PTPRR: variants seen among roughly 807,000 people sequenced by gnomAD.
PTPRR encodes receptor-type tyrosine-protein phosphatase R.
PTPRR carries 38 observed loss-of-function variants against 77.2 expected under a neutral mutation model. That is an observed-to-expected ratio of 0.49 (90% CI 0.38 to 0.65). PTPRR has a LOEUF of 0.65. PTPRR is among the 30% of genes least tolerant of loss of function. The pLI, the probability that PTPRR is intolerant of heterozygous loss-of-function variation, is 0.00. For missense variants in PTPRR, 744 were observed against 799.2 expected (o/e 0.93, Z 0.83); for synonymous variants, 299 against 283.1 (o/e 1.06, Z -0.57).
intron 2 of PTPRR, among the ~76,000 whole-genome samples, chr12:70,855,295 C>T (rs1592794878): frequency 6.6e-6 from 1 of 152,226 alleles, no homozygotes; most frequent in South Asian, 2.1e-4. Flanking sequence ...GACATAAACC[C>T]AAAAGGAATA....
chr12:70,880,487 C>T (rs1893130337), intron 2 of PTPRR, among the ~76,000 whole-genome samples: 1 of 152,032 alleles, frequency 6.6e-6, no homozygotes, highest in African/African-American at 2.4e-5. Context: ...CTATTTTCTC[C>T]CTGCCACATG....
chr12:70,784,635 G>T (rs1032989413), intron 2 of PTPRR, among the ~76,000 whole-genome samples: 1 of 152,206 alleles, frequency 6.6e-6, no homozygotes, highest in African/African-American at 2.4e-5. Flanking sequence ...CCAGATGGCC[G>T]CCGCTGCCAT....
intron 2 of PTPRR, among the ~76,000 whole-genome samples, chr12:70,851,117 T>G (rs1000688866): frequency 5.3e-5 from 8 of 152,214 alleles, no homozygotes; most frequent in Non-Finnish European, 1.2e-4. Flanking sequence ...ATACTTATTT[T>G]TTAAAAAAGA....
intron 2 of PTPRR, among the ~76,000 whole-genome samples, chr12:70,883,591 G>C (rs190868106): frequency 6.6e-6 from 1 of 152,124 alleles, no homozygotes; most frequent in East Asian, 1.9e-4. Context: ...TGTGTGCCAA[G>C]GACTATACTA....
chr12:70,688,741 T>C (rs1887957746), intron 8 of PTPRR, among the ~76,000 whole-genome samples: 1 of 152,212 alleles, frequency 6.6e-6, no homozygotes, highest in Non-Finnish European at 1.5e-5. Flanking sequence ...TGCACTCCTA[T>C]GTTCTTGCAG....
At chr12:70,825,699 C>T (rs986255279) in intron 2 of PTPRR, among the ~76,000 whole-genome samples, 1 of 152,182 alleles carries the variant, frequency 6.6e-6, no homozygotes, top group African/African-American at 2.4e-5. Flanking sequence ...CACGGTGCTC[C>T]CTTGTGGGCT....
intron 2 of PTPRR, among the ~76,000 whole-genome samples, chr12:70,818,906 C>T (rs1212890026): frequency 1.3e-5 from 2 of 152,068 alleles, no homozygotes; most frequent in African/African-American, 4.8e-5. Flanking sequence ...AAGTGAACAG[C>T]CTTATCCAAA....
At chr12:70,858,468 A>G (rs1206356730) in intron 2 of PTPRR, among the ~76,000 whole-genome samples, 1 of 152,026 alleles carries the variant, frequency 6.6e-6, no homozygotes, top group Non-Finnish European at 1.5e-5. Context: ...TAGCAGTGGA[A>G]TGTTTCTCTT....
intron 10 of PTPRR, among the ~76,000 whole-genome samples, chr12:70,682,034 C>CTTTTTTTTTTTT (rs578204454): frequency 1.6e-5 from 1 of 62,690 alleles, no homozygotes; most frequent in Non-Finnish European, 2.8e-5. Context: ...TTGTTGTTCA[C>CTTTTTTTTTTTT]TTTTTTTTTT....
intron 6 of PTPRR, among the ~76,000 whole-genome samples, chr12:70,715,500 A>G (rs1003395510): frequency 6.6e-6 from 1 of 152,170 alleles, no homozygotes; most frequent in African/African-American, 2.4e-5. Flanking sequence ...CTTCTTCCCA[A>G]TAAGCCTGGG....
At chr12:70,666,931 TTC>T (rs1458062029) in intron 10 of PTPRR, among the ~76,000 whole-genome samples, 1 of 129,654 alleles carries the variant, frequency 7.7e-6, no homozygotes, top group Admixed American at 7.7e-5. Flanking sequence ...CTGTGTGTTT[TTC>T]TGTTTTTTTT....
chr12:70,822,343 C>T (rs901226378), intron 2 of PTPRR, among the ~76,000 whole-genome samples: 9 of 152,212 alleles, frequency 5.9e-5, no homozygotes, highest in Admixed American at 4.6e-4. Flanking sequence ...CAGAGAGCTA[C>T]GTTTTTCTGC....
intron 2 of PTPRR, among the ~76,000 whole-genome samples, chr12:70,850,054 C>T (rs909943853): frequency 3.9e-5 from 6 of 152,156 alleles, no homozygotes; most frequent in East Asian, 3.9e-4. Context: ...TGATACATTT[C>T]TCTATTTAAA....
chr12:70,672,230 C>A (rs747467595), intron 10 of PTPRR: 34 of 1,587,336 alleles, frequency 2.1e-5, no homozygotes, highest in Non-Finnish European at 2.6e-5. Context: ...AGCCACATGG[C>A]CAGATAAGGT....
At chr12:70,799,161 A>G (rs1891569381) in intron 2 of PTPRR, among the ~76,000 whole-genome samples, 1 of 152,128 alleles carries the variant, frequency 6.6e-6, no homozygotes, top group Admixed American at 6.6e-5. Flanking sequence ...TTATCCTCAA[A>G]AAACAGTCCA....
chr12:70,662,622 A>G lies in PTPRR; in HGVS notation c.1498-17T>C, dbSNP rs778555160. ...CACACATTTCTGGAGGAAGGGAAAGAGAATACAGCAAATATTAATGGCTTT... is the reference window on the plus strand; with the variant it reads ...CACACATTTCTGGAGGAAGGGAAAGGGAATACAGCAAATATTAATGGCTTT... On this transcript the variant is annotated splice_polypyrimidine_tract_variant and intron_variant, in intron 10 of 13. Transcript: ENST00000283228. 9 of 1,463,858 alleles carry G rather than the reference A, an allele frequency of 6.1e-6. No individual in the cohort carries two copies. The highest frequency in any genetic ancestry group is 7.6e-6 in the Non-Finnish European group (8 of 1,050,896). The allele number at this position is 1,463,858 out of a possible 1,614,324, so 90.7% of individuals were successfully genotyped here.
intron 5 of PTPRR, among the ~76,000 whole-genome samples, chr12:70,749,179 C>T: frequency 6.6e-6 from 1 of 152,060 alleles, no homozygotes; most frequent in East Asian, 1.9e-4. Flanking sequence ...CAACAAACAA[C>T]AACAACCACA....
At chr12:70,693,705 T>TA (rs34029582) in intron 8 of PTPRR, among the ~76,000 whole-genome samples, 13,098 of 146,336 alleles carry the variant, frequency 0.09, 859 homozygotes, top group African/African-American at 0.19. Flanking sequence ...TAGCTTGTAC[T>TA]AAAAAAAAAA....
intron 10 of PTPRR, among the ~76,000 whole-genome samples, chr12:70,676,403 G>T (rs546846564): frequency 6.6e-6 from 1 of 151,624 alleles, no homozygotes; most frequent in Non-Finnish European, 1.5e-5. Flanking sequence ...TATGCTTTTT[G>T]TGCTTAATTA....
Sources: gnomAD v4.1 joint callset for allele counts (sites outside exome capture counted in the v4.1 genomes callset) on GRCh38, gnomAD v4.1.1 for gene constraint, MANE v1.5 for transcripts, NCBI Gene and HGNC (gene_info 2026-07-23, HGNC 2026-07-21) for gene names.